Variants in TM7SF3 observed in about 807,000 individuals in gnomAD.
The protein encoded by TM7SF3 is seven span transmembrane protein.
A neutral mutation model predicts 65.5 loss-of-function variants in TM7SF3; 60 were observed. The observed-to-expected ratio is 0.92, with a 90% CI of 0.74 to 1.14. The LOEUF (loss-of-function observed/expected upper bound fraction) is 1.14. Ranked by LOEUF, TM7SF3 falls within the 50% of genes most tolerant of loss-of-function variation. The pLI is 0.00. For synonymous variants in TM7SF3, 264 were observed against 259.6 expected (o/e 1.02, Z -0.16); for missense variants, 623 against 684.8 (o/e 0.91, Z 1.01).
chr12:26,983,791 T>C (rs907082862), intron 6 of TM7SF3, among the ~76,000 whole-genome samples: 1 of 152,216 alleles, frequency 6.6e-6, no homozygotes, highest in Non-Finnish European at 1.5e-5. Context: ...CAATTATACA[T>C]ATTGCCTTGG....
chr12:26,996,777 A>T lies in TM7SF3; in HGVS notation c.483T>A (p.Thr161=). 6.2e-7 allele frequency: 1 copy of T among 1,613,558 alleles called. No individual in the cohort carries two copies. The highest frequency in any genetic ancestry group is 8.5e-7 in the Non-Finnish European group (1 of 1,179,840). ...IYLEYNFFET[T]IKFAPANLGY... is the part of the protein sequence containing the mutation. ...CTAGGTTTGCTGGGGCAAACTTGAT[A>T]GTCGTTTCAAAGAAATTATACTCCA... Residue 161 remains threonine (T), a synonymous_variant, in exon 4 of 12, where the codon ACT becomes ACA. Transcript: ENST00000343028.
chr12:26,987,888 A>G (rs1260221935), intron 6 of TM7SF3, among the ~76,000 whole-genome samples: 1 of 152,210 alleles, frequency 6.6e-6, no homozygotes, highest in Non-Finnish European at 1.5e-5. Flanking sequence ...ACAAATAAAT[A>G]AAGAGACAAG....
Position 26,996,739 on chromosome 12 carries a change from T to G in TM7SF3, c.518+3A>C. On this transcript the variant is annotated splice_donor_region_variant and intron_variant, in intron 4 of 11. Coordinates refer to ENST00000343028, the MANE Select transcript of TM7SF3 (RefSeq NM_016551.3). ...ATTTCTCAGACATGGGAGACAGACG[T>G]ACCTCGCATAGCCTAGGTTTGCTGG... 6.2e-7 allele frequency: 1 copy of G among 1,609,210 alleles called. No individual in the cohort carries two copies. Among genetic ancestry groups the G allele is most frequent in the Admixed American group, 1.7e-5 (1 of 58,704 alleles).
At chr12:26,983,836 C>T (rs1252657545) in intron 6 of TM7SF3, among the ~76,000 whole-genome samples, 3 of 152,112 alleles carry the variant, frequency 2.0e-5, no homozygotes, top group African/African-American at 7.2e-5. Flanking sequence ...TGATGAAGCA[C>T]GGTATCATTT....
intron 1 of TM7SF3, among the ~76,000 whole-genome samples, chr12:27,005,084 A>G (rs1002414216): frequency 3.3e-5 from 5 of 152,256 alleles, no homozygotes; most frequent in Admixed American, 6.5e-5. Context: ...AAAGCAAATT[A>G]TACATAAAAC....
At chr12:27,010,993 C>A (rs1941224258) in intron 1 of TM7SF3, among the ~76,000 whole-genome samples, 1 of 152,140 alleles carries the variant, frequency 6.6e-6, no homozygotes, top group Non-Finnish European at 1.5e-5. Context: ...ACACAACAAC[C>A]AAATTCTAAG....
chr12:27,010,652 A>T (rs1345759360), intron 1 of TM7SF3, among the ~76,000 whole-genome samples: 1 of 152,250 alleles, frequency 6.6e-6, no homozygotes, highest in Non-Finnish European at 1.5e-5. Context: ...TGACTTGCAG[A>T]GTAGGAGGAA....
chr12:26,988,392 G>C (rs1940192543), intron 6 of TM7SF3, among the ~76,000 whole-genome samples: 1 of 152,154 alleles, frequency 6.6e-6, no homozygotes, highest in Admixed American at 6.5e-5. Flanking sequence ...TTGAACTCTG[G>C]AGCTCAAGCA....
chr12:26,979,818 G>A lies in TM7SF3; in HGVS notation c.1155C>T (p.Phe385=), dbSNP rs751216513. ...CMLCVGLVLG[F]LISSVTFFTP... is the part of the protein sequence containing the mutation. The stretch of plus-strand genomic sequence containing the variant: ...TAAAGAAAGTCACTGACGAGATGAG[G>A]AACCCCAGCACTAGTCCAACACAGA... The change falls in exon 9 of 12, where the codon TTC becomes TTT. Residue 385 remains phenylalanine, a synonymous_variant. Coordinates refer to ENST00000343028, the MANE Select transcript of TM7SF3 (RefSeq NM_016551.3). The A allele has an allele frequency of 2.7e-5, 44 of 1,614,068 alleles. 1 individual carries two copies. The South Asian group carries it at 3.1e-4, about 11-fold the overall frequency.
rs1309574109 is a variant in TM7SF3 at position 26,995,306 on chromosome 12, A to G, written c.621T>C (p.Thr207=). ...YQYFLPENDL[T]EEMLLKHLQR... ...GCAGATGCTTCAGCAACATCTCCTC[A>G]GTGAGGTCATTCTCAGGCAGAAAAT... Residue 207 remains threonine (T), a synonymous_variant, in exon 5 of 12, where the codon ACT becomes ACC. Transcript: ENST00000343028. The G allele has an allele frequency of 2.5e-6, 4 of 1,614,048 alleles. No homozygotes were observed. Among genetic ancestry groups the G allele is most frequent in the Non-Finnish European group, 3.4e-6 (4 of 1,180,042 alleles).
intron 9 of TM7SF3, 42 bp downstream of exon 9, chr12:26,979,742 C>T (rs1939726991): frequency 1.9e-6 from 3 of 1,603,118 alleles, no homozygotes; most frequent in Non-Finnish European, 2.6e-6. Context: ...AGTATTCAAA[C>T]AGTCACTCGA....
chr12:26,986,456 T>C (rs1592283743), intron 6 of TM7SF3, among the ~76,000 whole-genome samples: 1 of 152,096 alleles, frequency 6.6e-6, no homozygotes, highest in South Asian at 2.1e-4. Flanking sequence ...CAGTAGCCCA[T>C]GTTGTACTCA....
intron 1 of TM7SF3, among the ~76,000 whole-genome samples, chr12:27,004,871 T>C (rs1940970736): frequency 6.6e-6 from 1 of 152,182 alleles, no homozygotes; most frequent in African/African-American, 2.4e-5. Context: ...TTCCTATTTA[T>C]GGTACCAGAA....
At chr12:26,989,476 C>T (rs1940247788) in intron 6 of TM7SF3, among the ~76,000 whole-genome samples, 1 of 151,084 alleles carries the variant, frequency 6.6e-6, no homozygotes, top group Admixed American at 6.6e-5. Context: ...TTTTCAACTG[C>T]ACAGGAGTCG....
intron 6 of TM7SF3, among the ~76,000 whole-genome samples, chr12:26,983,146 A>C (rs1021609237): frequency 3.8e-4 from 57 of 151,480 alleles, no homozygotes; most frequent in Non-Finnish European, 4.4e-5. Context: ...GGTAAAGTGG[A>C]GAGAAACAGA....
chr12:27,011,829 T>C (rs1941254344), intron 1 of TM7SF3, among the ~76,000 whole-genome samples: 1 of 152,208 alleles, frequency 6.6e-6, no homozygotes, highest in East Asian at 1.9e-4. Flanking sequence ...ATCAGTGCTA[T>C]AATCATAGCA....
chr12:26,979,809 C>G lies in TM7SF3; in HGVS notation c.1164G>C (p.Ser388=). The G allele has an allele frequency of 6.2e-7, 1 of 1,613,994 alleles. No homozygotes were observed. The highest frequency in any genetic ancestry group is 8.5e-7 in the Non-Finnish European group (1 of 1,179,962). ...CVGLVLGFLI[S]SVTFFTPLGN... is the part of the protein sequence containing the mutation. ...CCAGTGGAGTAAAGAAAGTCACTGACGAGATGAGGAACCCCAGCACTAGTC... is the reference window on the plus strand; with the variant it reads ...CCAGTGGAGTAAAGAAAGTCACTGAGGAGATGAGGAACCCCAGCACTAGTC... The change falls in exon 9 of 12, where the codon TCG becomes TCC. Residue 388 remains serine (S), a synonymous_variant. Transcript: ENST00000343028.
chr12:26,989,747 T>TG lies in TM7SF3; in HGVS notation c.868+702_868+703insC, dbSNP rs1312060839. ...TAACCTAGTTATCTCTCCCCTGGAT[T>TG]ACTTCAGTGGCCTCCTAACCAATCT... On this transcript the variant is annotated intron_variant, in intron 6 of 11. Coordinates refer to ENST00000343028, the MANE Select transcript of TM7SF3 (RefSeq NM_016551.3). Among the ~76,000 whole-genome samples, 7 of 152,228 alleles carry TG rather than the reference T, an allele frequency of 4.6e-5. No homozygotes were observed. In the East Asian group the frequency reaches 1.3e-3, roughly 29 times the overall value.
intron 3 of TM7SF3, 107 bp from the exon 4 acceptor site, chr12:26,996,969 G>A (rs779251029): frequency 8.5e-7 from 1 of 1,181,492 alleles, no homozygotes. Context: ...CCAAATAGAA[G>A]TTAAATATAA....
Sources: gnomAD v4.1 joint callset for allele counts (sites outside exome capture counted in the v4.1 genomes callset) on GRCh38, gnomAD v4.1.1 for gene constraint, MANE v1.5 for transcripts, NCBI Gene and HGNC (gene_info 2026-07-23, HGNC 2026-07-21) for gene names.